The following AFM variants were observed in gnomAD, a reference collection of about 807,000 sequenced individuals.
The protein encoded by AFM is alpha-Alb.
Under a neutral mutation model 68.7 loss-of-function variants are expected in AFM, and 82 were observed. That is an observed-to-expected ratio of 1.19 (90% CI 1.00 to 1.43). AFM has a LOEUF of 1.43. Ranked by LOEUF, AFM falls within the 40% of genes most tolerant of loss-of-function variation. The pLI is 0.00. For missense variants in AFM, 772 were observed against 701.8 expected, an observed-to-expected ratio of 1.10 and a Z score of -1.13; for synonymous variants, 250 against 234.2, an observed-to-expected ratio of 1.07 and a Z score of -0.61.
At chr4:73,501,414 A>G (rs953902823) in intron 12 of AFM, among the ~76,000 whole-genome samples, 10 of 152,032 alleles carry the variant, frequency 6.6e-5, no homozygotes, top group Admixed American at 5.2e-4. Flanking sequence ...TCTTCTAGCT[A>G]TTTTGAAATA....
At chr4:73,499,924 A>G in intron 11 of AFM, 80 bp from the exon 12 acceptor site, 1 of 1,153,926 alleles carries the variant, frequency 8.7e-7, no homozygotes, top group Non-Finnish European at 1.3e-6. Flanking sequence ...AGAAAGATCT[A>G]AGTATTCATC....
At chr4:73,497,576 A>G in intron 9 of AFM, 76 bp from the exon 10 acceptor site, 3 of 894,844 alleles carry the variant, frequency 3.4e-6, no homozygotes, top group Non-Finnish European at 3.3e-6. Context: ...AAGAAATGCT[A>G]TTCTACACAT....
chr4:73,497,258 G>T (rs1389077652), intron 9 of AFM, among the ~76,000 whole-genome samples: 1 of 152,122 alleles, frequency 6.6e-6, no homozygotes, highest in African/African-American at 2.4e-5. Flanking sequence ...ACTAGCTGGG[G>T]TATTCTGGGT....
chr4:73,501,614 T>G (rs1014157273), intron 12 of AFM, among the ~76,000 whole-genome samples, 173 bp from the exon 13 acceptor site: 5 of 152,028 alleles, frequency 3.3e-5, no homozygotes, highest in African/African-American at 1.2e-4. Context: ...GTGGAAACCA[T>G]TCTCTAAATT....
chr4:73,484,476 T>TTCTTTC (rs1553893997), intron 3 of AFM, 86 bp downstream of exon 3: 42 of 615,908 alleles, frequency 6.8e-5, no homozygotes, highest in Middle Eastern at 3.4e-4. Context: ...CTTTCTTTCT[T>TTCTTTC]TCTTTCTTTC....
At chr4:73,497,799 A>T in intron 10 of AFM, 50 bp downstream of exon 10, 1 of 1,186,180 alleles carries the variant, frequency 8.4e-7, no homozygotes, top group Non-Finnish European at 1.2e-6. Flanking sequence ...AATTGAATAC[A>T]TAATCCCTCG....
Position 73,486,993 on chromosome 4 carries a change from A to T in AFM, c.509A>T (p.Asn170Ile), listed in dbSNP as rs756198736. Reference sequence around the variant, plus strand: ...TTTTTATATGAAGTTGCCAGAAGGAACCCATTTGTCTTCGCCCCTACACTT... The same window carrying T: ...TTTTTATATGAAGTTGCCAGAAGGATCCCATTTGTCTTCGCCCCTACACTT... ...NHFLYEVARR[N>I]PFVFAPTLLT... is the part of the protein sequence containing the mutation. Residue 170 changes from asparagine (N) to isoleucine (I), a missense_variant, in exon 5 of 15, where the codon AAC (asparagine) becomes ATC (isoleucine). Physicochemically the swap from Asn to Ile is moderately radical, Grantham distance 149. Coordinates refer to ENST00000226355, the MANE Select transcript of AFM (RefSeq NM_001133.2). The T allele has an allele frequency of 6.2e-7, 1 of 1,613,396 alleles. No homozygotes were observed. The highest frequency in any genetic ancestry group is 1.1e-5 in the South Asian group (1 of 90,970).
chr4:73,495,197 T>A, intron 8 of AFM, 103 bp from the exon 9 acceptor site: 1 of 1,111,720 alleles, frequency 9.0e-7, no homozygotes, highest in Non-Finnish European at 1.2e-6. Flanking sequence ...AATTAGCTTT[T>A]GAAAGCAGAG....
intron 7 of AFM, among the ~76,000 whole-genome samples, chr4:73,491,377 G>C (rs968278228): frequency 6.6e-6 from 1 of 152,100 alleles, no homozygotes; most frequent in Non-Finnish European, 1.5e-5. Context: ...TTGATGAATC[G>C]TCATCTGGTA....
rs533624695 is a variant in AFM, at chr4:73,501,846, T to A, written c.1706T>A (p.Leu569Ter). 4 of 1,613,576 alleles carry A rather than the reference T, an allele frequency of 2.5e-6. No individual in the cohort carries two copies. In the South Asian group the frequency reaches 4.4e-5, roughly 18 times the overall value. Residue 569 changes from leucine to a stop codon, truncating the protein, a stop_gained, in exon 13 of 15, where the codon TTG becomes TAG. Transcript: ENST00000226355. LOFTEE classifies it high-confidence loss of function. ...HELTDEELQS[L>*]FTNFANVVDK... ...CTCACAGATGAAGAGCTGCAGTCTT[T>A]GTTTACAAATTTCGCAAATGTAGTG...
intron 6 of AFM, 121 bp from the exon 7 acceptor site, chr4:73,488,509 C>A (rs1720974415): frequency 7.5e-6 from 6 of 802,628 alleles, no homozygotes; most frequent in Middle Eastern, 3.9e-4. Context: ...TCTATAAAAA[C>A]AACAACAACA....
In AFM at chr4:73,487,122, G is replaced by A. The variant is rs773472589; in HGVS notation, c.615+23G>A. ...AGGGTGGGTATAGCATTTGTTCCATGAAGAGGATAAGAAATCACTCAATAC... is the reference window on the plus strand; with the variant it reads ...AGGGTGGGTATAGCATTTGTTCCATAAAGAGGATAAGAAATCACTCAATAC... On this transcript the variant is annotated intron_variant, in intron 5 of 14. Transcript: ENST00000226355. 1.9e-6 allele frequency: 3 copies of A among 1,612,912 alleles called. No homozygotes were observed. The South Asian group carries it at 3.3e-5, about 18-fold the overall frequency.
rs1354197201 is a variant in AFM at position 73,487,001 on chromosome 4, G to A, written c.517G>A (p.Val173Ile). 6 of 1,613,156 alleles carry A rather than the reference G, an allele frequency of 3.7e-6. No individual in the cohort carries two copies. The highest frequency in any genetic ancestry group is 2.7e-5 in the African/African-American group (2 of 74,710). Residue 173 changes from valine to isoleucine, a missense_variant, in exon 5 of 15, where the codon GTC (valine) becomes ATC (isoleucine). Transcript: ENST00000226355. ...TGAAGTTGCCAGAAGGAACCCATTT[G>A]TCTTCGCCCCTACACTTCTAACTGT... is the stretch of plus-strand genomic sequence containing the variant. ...LYEVARRNPF[V>I]FAPTLLTVAV...
At chr4:73,499,865 GAT>G in intron 11 of AFM, 137 bp from the exon 12 acceptor site, 1 of 691,692 alleles carries the variant, frequency 1.4e-6, no homozygotes, top group Non-Finnish European at 2.4e-6. Context: ...TGTATATAGG[GAT>G]ATGTCATGAG....
chr4:73,498,608 A>G (rs551003319), intron 10 of AFM, among the ~76,000 whole-genome samples: 1 of 152,304 alleles, frequency 6.6e-6, no homozygotes, highest in South Asian at 2.1e-4. Flanking sequence ...TATTGAAACT[A>G]AACATCTTTA....
rs1203774823 is a variant in AFM at position 73,499,165 on chromosome 4, GGT to G, written c.1344_1345del (p.Leu450TrpfsTer16). 6.2e-7 allele frequency: 1 copy of G among 1,613,350 alleles called. No homozygotes were observed. Among genetic ancestry groups the G allele is most frequent in the Admixed American group, 1.7e-5 (1 of 59,954 alleles). On this transcript the variant is annotated frameshift_variant, in exon 11 of 15. Coordinates refer to ENST00000226355, the MANE Select transcript of AFM (RefSeq NM_001133.2). LOFTEE classifies it high-confidence loss of function. ...CTCCCCAACTCTCCACTGAAGAACT[GGT>G]GTCTCTTGGCGAGAAAATGGTGACA... ...IAPQLSTEEL[V>X]SLGEKMVTAF... is the part of the protein sequence containing the mutation.
intron 8 of AFM, among the ~76,000 whole-genome samples, chr4:73,494,126 A>G (rs920636537): frequency 2.0e-5 from 3 of 151,928 alleles, no homozygotes; most frequent in African/African-American, 7.3e-5. Context: ...CATGGCTTAC[A>G]TCAGATATTA....
At chr4:73,485,664 A>C (rs1720878881) in intron 3 of AFM, among the ~76,000 whole-genome samples, 198 bp from the exon 4 acceptor site, 1 of 126,458 alleles carries the variant, frequency 7.9e-6, no homozygotes, top group Non-Finnish European at 1.6e-5. Flanking sequence ...GGGGAGGAGG[A>C]GGAGGAGGAG....
Position 73,492,131 on chromosome 4 carries a change from CTT to C in AFM, c.1058+46_1058+47del, listed in dbSNP as rs1235617862. 3 of 1,538,814 alleles carry C rather than the reference CTT, an allele frequency of 1.9e-6. No homozygotes were observed. The African/African-American group carries it at 4.2e-5, about 22-fold the overall frequency. On this transcript the variant is annotated intron_variant, in intron 8 of 14. Transcript: ENST00000226355. The stretch of plus-strand genomic sequence containing the variant: ...AATTTATAAGGGAAACAGAAAGAAA[CTT>C]ATAAGATTTGACTTTTGTTGCTAAT...
Sources: gnomAD v4.1 joint callset for allele counts (sites outside exome capture counted in the v4.1 genomes callset) on GRCh38, gnomAD v4.1.1 for gene constraint, MANE v1.5 for transcripts, NCBI Gene and HGNC (gene_info 2026-07-23, HGNC 2026-07-21) for gene names.